Variants in MYO1D observed in about 807,000 individuals in gnomAD.
MYO1D encodes the protein myosin ID.
Under a neutral mutation model 122.0 loss-of-function variants are expected in MYO1D, and 83 were observed. The ratio of observed to expected loss-of-function variants is 0.68; its 90% CI spans 0.57 to 0.82. The LOEUF is 0.82. MYO1D is among the 40% of genes least tolerant of loss of function. MYO1D has a pLI of 0.00. For synonymous variants in MYO1D, 464 were observed against 446.9 expected (o/e 1.04, Z -0.48); for missense variants, 1,157 against 1,269.5 (o/e 0.91, Z 1.35).
At chr17:32,521,791 TA>T (rs1264493055) in intron 21 of MYO1D, among the ~76,000 whole-genome samples, 1 of 150,486 alleles carries the variant, frequency 6.6e-6, no homozygotes, top group African/African-American at 2.4e-5. Flanking sequence ...CTACTAAAAA[TA>T]AAAAAATTAG....
chr17:32,679,309 G>T (rs988219335), intron 16 of MYO1D, among the ~76,000 whole-genome samples: 1 of 151,806 alleles, frequency 6.6e-6, no homozygotes, highest in South Asian at 2.1e-4. Flanking sequence ...ATTGCTTTTG[G>T]TGTTTTGTAC....
intron 16 of MYO1D, among the ~76,000 whole-genome samples, chr17:32,676,683 C>T (rs190215853): frequency 2.0e-5 from 3 of 152,062 alleles, no homozygotes; most frequent in Non-Finnish European, 4.4e-5. Flanking sequence ...GGAAGACGAC[C>T]CAAGAGACGG....
chr17:32,686,664 G>A (rs1437815233), intron 16 of MYO1D, among the ~76,000 whole-genome samples: 2 of 152,022 alleles, frequency 1.3e-5, no homozygotes, highest in South Asian at 2.1e-4. Flanking sequence ...CTAGGAGTTC[G>A]AGATCAGCCT....
At chr17:32,851,774 C>T (rs1055127311) in intron 1 of MYO1D, among the ~76,000 whole-genome samples, 7 of 152,118 alleles carry the variant, frequency 4.6e-5, no homozygotes, top group Non-Finnish European at 7.3e-5. Flanking sequence ...ACGCACAGTT[C>T]GCAATAGGGT....
At chr17:32,844,656 T>C (rs1408756965) in intron 1 of MYO1D, among the ~76,000 whole-genome samples, 1 of 151,812 alleles carries the variant, frequency 6.6e-6, no homozygotes, top group Admixed American at 6.6e-5. Context: ...GCCCAGGAAC[T>C]TGAGGCTGCA....
At chr17:32,535,840 CAG>C (rs549052496) in intron 21 of MYO1D, among the ~76,000 whole-genome samples, 32 of 152,298 alleles carry the variant, frequency 2.1e-4, no homozygotes, top group African/African-American at 7.0e-4. Context: ...TTGAGGATCT[CAG>C]GGTGTTTTAC....
intron 10 of MYO1D, among the ~76,000 whole-genome samples, chr17:32,755,976 C>T (rs775499968): frequency 6.8e-4 from 103 of 152,290 alleles, no homozygotes; most frequent in Non-Finnish European, 4.1e-4. Flanking sequence ...ACACCCAACC[C>T]TACTCCTTCA....
intron 1 of MYO1D, among the ~76,000 whole-genome samples, chr17:32,833,415 C>G (rs1287586450): frequency 6.6e-6 from 1 of 152,170 alleles, no homozygotes; most frequent in African/African-American, 2.4e-5. Flanking sequence ...TCACCCAGGT[C>G]CAAGTCACTA....
intron 16 of MYO1D, among the ~76,000 whole-genome samples, chr17:32,673,042 T>A (rs1352915289): frequency 6.7e-6 from 1 of 150,128 alleles, no homozygotes; most frequent in Non-Finnish European, 1.5e-5. Context: ...TAAGGCTTTC[T>A]TCATTAACTT....
chr17:32,494,720 G>C lies in MYO1D; in HGVS notation c.*39C>G, dbSNP rs767423961. On this transcript the variant is annotated 3_prime_UTR_variant, in exon 22 of 22. Transcript: ENST00000318217. ...GCAGCTGGACTGGGACCCAGGACTC[G>C]GAGTGTGGCCGGGCTCCGGGCCAGG... The C allele has an allele frequency of 1.3e-6, 2 of 1,546,964 alleles. No homozygotes were observed. The highest frequency in any genetic ancestry group is 1.7e-6 in the Non-Finnish European group (2 of 1,148,506).
chr17:32,724,550 A>G (rs2089549869), intron 14 of MYO1D, among the ~76,000 whole-genome samples: 1 of 152,200 alleles, frequency 6.6e-6, no homozygotes, highest in African/African-American at 2.4e-5. Context: ...CCCAGGTTTG[A>G]GGCTGCCTTT....
At chr17:32,572,845 A>G (rs1335162082) in intron 21 of MYO1D, among the ~76,000 whole-genome samples, 1 of 152,010 alleles carries the variant, frequency 6.6e-6, no homozygotes, top group East Asian at 1.9e-4. Flanking sequence ...TCCTAACTGA[A>G]GGGTCACTCT....
At chr17:32,788,272 C>T (rs776168204) in intron 1 of MYO1D, among the ~76,000 whole-genome samples, 7 of 152,138 alleles carry the variant, frequency 4.6e-5, no homozygotes, top group Non-Finnish European at 7.3e-5. Context: ...ATTTCTTTTG[C>T]TGTGCAGAAG....
intron 1 of MYO1D, among the ~76,000 whole-genome samples, chr17:32,797,578 ATC>A (rs1199795581): frequency 1.3e-5 from 2 of 152,200 alleles, no homozygotes; most frequent in African/African-American, 4.8e-5. Flanking sequence ...ATTGCTGTTA[ATC>A]TCTTACTGTG....
chr17:32,545,685 T>A (rs1435328678), intron 21 of MYO1D, among the ~76,000 whole-genome samples: 1 of 152,194 alleles, frequency 6.6e-6, no homozygotes, highest in Non-Finnish European at 1.5e-5. Context: ...TATACATTCT[T>A]ATTGTGATAC....
chr17:32,817,841 T>C (rs1463530143), intron 1 of MYO1D, among the ~76,000 whole-genome samples: 2 of 152,026 alleles, frequency 1.3e-5, no homozygotes, highest in Non-Finnish European at 2.9e-5. Flanking sequence ...TAAGAGGTAG[T>C]AGGGGCCGGG....
intron 21 of MYO1D, among the ~76,000 whole-genome samples, chr17:32,580,072 A>G (rs1200662970): frequency 6.6e-6 from 1 of 152,218 alleles, no homozygotes; most frequent in Non-Finnish European, 1.5e-5. Flanking sequence ...TGTTCCCACC[A>G]TGATAATATA....
chr17:32,706,649 T>C (rs907060261), intron 16 of MYO1D, among the ~76,000 whole-genome samples: 7 of 152,170 alleles, frequency 4.6e-5, no homozygotes, highest in African/African-American at 1.7e-4. Context: ...TTAAAACAGC[T>C]AGTTATTCGC....
At chr17:32,867,798 C>CAAA (rs5820001) in intron 1 of MYO1D, among the ~76,000 whole-genome samples, 68 of 53,934 alleles carry the variant, frequency 1.3e-3, no homozygotes, top group Admixed American at 1.5e-3. Context: ...GACTCCGTCT[C>CAAA]AAAAAAAAAA....
Sources: gnomAD v4.1 joint callset for allele counts (sites outside exome capture counted in the v4.1 genomes callset) on GRCh38, gnomAD v4.1.1 for gene constraint, MANE v1.5 for transcripts, NCBI Gene and HGNC (gene_info 2026-07-23, HGNC 2026-07-21) for gene names.